The following SLC37A2 variants were observed in gnomAD, a reference collection of about 807,000 sequenced individuals.
SLC37A2 encodes the protein glucose-6-phosphate exchanger SLC37A2.
SLC37A2 carries 59 observed loss-of-function variants against 70.7 expected under a neutral mutation model. The ratio of observed to expected loss-of-function variants is 0.83; its 90% confidence interval spans 0.68 to 1.04. SLC37A2 has a LOEUF of 1.04. Among genes scored for constraint, SLC37A2 ranks in the 50% least tolerant of loss-of-function variants. The pLI is 0.00. For missense variants in SLC37A2, 580 were observed against 658.1 expected (o/e 0.88, Z 1.30); for synonymous variants, 257 against 262.1 (o/e 0.98, Z 0.19).
At position 125,088,430 on chromosome 11, in the gene SLC37A2, G is replaced by A; in HGVS notation, c.*296G>A. On this transcript the variant is annotated 3_prime_UTR_variant, in exon 18 of 18. Coordinates refer to ENST00000403796, the MANE Select transcript of SLC37A2 (RefSeq NM_001145290.2). ...TTTTGATAAGGAAAGGATATGCTCA[G>A]ACTCTTGCTTGTTCAGATTCCAAGA... The A allele has an allele frequency of 2.5e-6, 1 of 403,184 alleles. No individual in the cohort carries two copies. Among genetic ancestry groups the A allele is most frequent in the Non-Finnish European group, 4.5e-6 (1 of 224,134 alleles). The allele number at this position is 403,184 out of a possible 1,614,324, so 25.0% of individuals were successfully genotyped here.
chr11:125,079,235 T>G lies in SLC37A2; in HGVS notation c.438T>G (p.Phe146Leu), dbSNP rs1237136922. 1 of 1,614,176 alleles carries G rather than the reference T, an allele frequency of 6.2e-7. No homozygotes were observed. The highest frequency in any genetic ancestry group is 1.1e-5 in the South Asian group (1 of 91,078). Reference protein sequence around the residue: ...YFWNIHELWYFVVIQVCNGLV... With the variant: ...YFWNIHELWYLVVIQVCNGLV... ...GGAACATCCACGAGCTCTGGTACTT[T>G]GTGGTCATCCAGGTATGAATCACCG... Residue 146 changes from phenylalanine (F) to leucine (L), a missense_variant, in exon 5 of 18, where the codon TTT (phenylalanine) becomes TTG (leucine). Physicochemically the swap from Phe to Leu is conservative, Grantham distance 22 (BLOSUM62 0). Transcript: ENST00000403796.
At chr11:125,074,643 T>G in intron 1 of SLC37A2, among the ~76,000 whole-genome samples, 1 of 151,550 alleles carries the variant, frequency 6.6e-6, no homozygotes, top group African/African-American at 2.4e-5. Context: ...GGGGAAAGGG[T>G]GCTGGCAGCA....
chr11:125,082,197 C>G (rs371272229), intron 9 of SLC37A2, 47 bp from the exon 10 acceptor site: 2 of 1,589,530 alleles, frequency 1.3e-6, no homozygotes, highest in South Asian at 1.1e-5. Flanking sequence ...CCACTGAACC[C>G]AGGACCTCTG....
intron 10 of SLC37A2, 81 bp downstream of exon 10, chr11:125,082,415 G>A: frequency 8.6e-7 from 1 of 1,168,540 alleles, no homozygotes; most frequent in Non-Finnish European, 1.3e-6. Context: ...CCGTCGTGGT[G>A]ATGCCTGTGA....
chr11:125,085,597 C>A lies in SLC37A2; in HGVS notation c.1348C>A (p.Leu450Met), dbSNP rs1332307006. 4.3e-6 allele frequency: 7 copies of A among 1,613,898 alleles called. No individual in the cohort carries two copies. The East Asian group carries it at 1.6e-4, about 36-fold the overall frequency. ...TTCAGGTGCGGCTCTGGGGCCTCTG[C>A]TGGCTGGGCTCATCTCCCCCACGGG... is the stretch of plus-strand genomic sequence containing the variant. ...GSIGAALGPLLAGLISPTGWN... is the reference protein window; with the variant it reads ...GSIGAALGPLMAGLISPTGWN... Residue 450 changes from leucine to methionine, a missense_variant, in exon 16 of 18, where the codon CTG becomes ATG. By Grantham distance (15) the Leu-to-Met change is conservative (BLOSUM62 2). Coordinates refer to ENST00000403796, the MANE Select transcript of SLC37A2 (RefSeq NM_001145290.2).
chr11:125,079,103 C>G lies in SLC37A2; in HGVS notation c.315-9C>G, dbSNP rs200389313. 1.4e-5 allele frequency: 23 copies of G among 1,613,992 alleles called. 1 individual carries two copies. In the South Asian group the frequency reaches 2.5e-4, roughly 18 times the overall value. Reference sequence around the variant, plus strand: ...AGCTTAACCGCAGATCCAACTTTCTCTTCCCCAGTGGGGTTTTTGGGGAGC... The same window carrying G: ...AGCTTAACCGCAGATCCAACTTTCTGTTCCCCAGTGGGGTTTTTGGGGAGC... On this transcript the variant is annotated splice_polypyrimidine_tract_variant and intron_variant, in intron 4 of 17. Transcript: ENST00000403796.
At chr11:125,079,091 A>G (rs754445152) in intron 4 of SLC37A2, 21 bp from the exon 5 acceptor site, 2 of 1,613,826 alleles carry the variant, frequency 1.2e-6, no homozygotes, top group Non-Finnish European at 1.7e-6. Context: ...TTAACCGCAG[A>G]TCCAACTTTC....
chr11:125,068,248 A>G (rs1246850562), intron 1 of SLC37A2, among the ~76,000 whole-genome samples: 2 of 152,178 alleles, frequency 1.3e-5, no homozygotes, highest in African/African-American at 4.8e-5. Context: ...CCTCATCAAT[A>G]AAAGTCAGAT....
rs3824925 is a variant in SLC37A2, at chr11:125,085,378, C to T, written c.1249-17C>T. On this transcript the variant is annotated splice_polypyrimidine_tract_variant and intron_variant, in intron 14 of 17. Transcript: ENST00000403796. ...TGCTGCTCAGCTGGGCTTCCCCACT[C>T]CACTGTCTCTCTCCAGGGGACTCAC... is the stretch of plus-strand genomic sequence containing the variant. The T allele has an allele frequency of 0.18, 287,430 of 1,611,134 alleles. 26,804 individuals carry two copies. Among genetic ancestry groups the T allele is most frequent in the Non-Finnish European group, 0.19 (227,093 of 1,178,384 alleles).
rs2135576366 is a variant in SLC37A2, at chr11:125,084,830, C to T, written c.1131C>T (p.Phe377=). The T allele has an allele frequency of 6.2e-7, 1 of 1,613,748 alleles. No individual in the cohort carries two copies. The highest frequency in any genetic ancestry group is 1.1e-5 in the South Asian group (1 of 90,884). Residue 377 remains phenylalanine, a synonymous_variant, in exon 13 of 18, where the codon TTC becomes TTT. Coordinates refer to ENST00000403796, the MANE Select transcript of SLC37A2 (RefSeq NM_001145290.2). ...TCTCCCCTCTCCTCTCTCAGATGTT[C>T]CTGTACAACTACATTGGCCAGGACG... is the stretch of plus-strand genomic sequence containing the variant. ...VMLILAAPMM[F]LYNYIGQDGI... is the part of the protein sequence containing the mutation.
chr11:125,079,785 T>C (rs1419228108), intron 6 of SLC37A2, 25 bp downstream of exon 6: 11 of 1,550,440 alleles, frequency 7.1e-6, no homozygotes, highest in Non-Finnish European at 9.7e-6. Context: ...GGAGGAGGAG[T>C]GGGAAGGATT....
intron 1 of SLC37A2, among the ~76,000 whole-genome samples, chr11:125,073,693 C>T (rs1949052557): frequency 6.6e-6 from 1 of 152,244 alleles, no homozygotes; most frequent in African/African-American, 2.4e-5. Flanking sequence ...TTGCCCGATT[C>T]CCAAGTCCTT....
chr11:125,082,351 G>A lies in SLC37A2; in HGVS notation c.976+17G>A. 6.2e-7 allele frequency: 1 copy of A among 1,611,210 alleles called. No homozygotes were observed. Among genetic ancestry groups the A allele is most frequent in the Non-Finnish European group, 8.5e-7 (1 of 1,177,490 alleles). Reference sequence around the variant, plus strand: ...CCAATGTGGGTAAGTCCAAGAGAAGGGGAATGAAGGGGTCTCTGAGGAGGC... The same window carrying A: ...CCAATGTGGGTAAGTCCAAGAGAAGAGGAATGAAGGGGTCTCTGAGGAGGC... On this transcript the variant is annotated intron_variant, in intron 10 of 17. Coordinates refer to ENST00000403796, the MANE Select transcript of SLC37A2 (RefSeq NM_001145290.2).
At chr11:125,066,602 A>C (rs1400514004) in intron 1 of SLC37A2, among the ~76,000 whole-genome samples, 1 of 152,212 alleles carries the variant, frequency 6.6e-6, no homozygotes, top group South Asian at 2.1e-4. Flanking sequence ...TGACAAGGAA[A>C]TTTGGTTGCT....
At chr11:125,070,719 C>T (rs1285616008) in intron 1 of SLC37A2, among the ~76,000 whole-genome samples, 1 of 152,186 alleles carries the variant, frequency 6.6e-6, no homozygotes, top group East Asian at 1.9e-4. Context: ...GGAGTCTCAG[C>T]CCATGATCCC....
At chr11:125,068,233 A>G (rs774324466) in intron 1 of SLC37A2, among the ~76,000 whole-genome samples, 1 of 152,180 alleles carries the variant, frequency 6.6e-6, no homozygotes, top group South Asian at 2.1e-4. Context: ...GCTGAGCCCC[A>G]GTTTCCTCAT....
rs1241676896 is a variant in SLC37A2 at position 125,088,654 on chromosome 11, T to C, written c.*520T>C. On this transcript the variant is annotated 3_prime_UTR_variant, in exon 18 of 18. Transcript: ENST00000403796. ...GCTGGGCCCTCTTCTACTCTCCATT[T>C]AGGCCTGTTGATAACTCCATTACCC... The C allele has an allele frequency of 6.5e-6, 1 of 153,414 alleles. No individual in the cohort carries two copies. The highest frequency in any genetic ancestry group is 1.5e-5 in the Non-Finnish European group (1 of 68,756). The allele number at this position is 153,414 out of a possible 1,614,324, so 9.5% of individuals were successfully genotyped here.
At chr11:125,082,794 G>T (rs924806074) in intron 10 of SLC37A2, among the ~76,000 whole-genome samples, 2 of 152,114 alleles carry the variant, frequency 1.3e-5, no homozygotes, top group African/African-American at 2.4e-5. Flanking sequence ...TCTTCTCCCC[G>T]TGGGACCTAA....
chr11:125,066,480 A>G (rs1468258853), intron 1 of SLC37A2, among the ~76,000 whole-genome samples: 1 of 152,210 alleles, frequency 6.6e-6, no homozygotes, highest in Non-Finnish European at 1.5e-5. Flanking sequence ...CATCAAAGTA[A>G]AATAAAAACT....
Sources: allele counts gnomAD v4.1 joint callset (sites outside exome capture counted in the v4.1 genomes callset), GRCh38; gene constraint gnomAD v4.1.1; transcripts MANE v1.5; gene names NCBI Gene and HGNC (gene_info 2026-07-23, HGNC 2026-07-21).